Variants in KLHL13 observed in about 807,000 individuals in gnomAD.
KLHL13 encodes kelch like family member 13, also known as kelch-like protein 13.
Under a neutral mutation model 37.1 loss-of-function variants are expected in KLHL13, and 10 were observed. That is an observed-to-expected ratio of 0.27 (90% confidence interval 0.17 to 0.46). KLHL13 has a LOEUF of 0.46. Among genes scored for constraint, KLHL13 ranks in the 20% least tolerant of loss-of-function variants. The pLI, the probability that KLHL13 is intolerant of heterozygous loss-of-function variation, is 1.00. For missense variants in KLHL13, 360 were observed against 509.3 expected (o/e 0.71, Z 2.82); for synonymous variants, 163 against 181.2 (o/e 0.90, Z 0.81).
At chrX:118,106,365 G>C (rs2055346806) in intron 1 of KLHL13, among the ~76,000 whole-genome samples, 1 of 111,075 alleles carries the variant, frequency 9.0e-6, no homozygotes, top group Non-Finnish European at 1.9e-5. Flanking sequence ...AAAGAAAGAT[G>C]CTCTAAAAAT....
intron 2 of KLHL13, among the ~76,000 whole-genome samples, chrX:117,940,647 G>C (rs1449589886): frequency 9.0e-6 from 1 of 111,535 alleles, no homozygotes; most frequent in Non-Finnish European, 1.9e-5. Context: ...TCTCCTTGAA[G>C]AGGTCCTTCA....
chrX:118,069,124 C>T (rs2054826856), intron 1 of KLHL13, among the ~76,000 whole-genome samples: 1 of 108,215 alleles, frequency 9.2e-6, no homozygotes, highest in Admixed American at 9.9e-5. Context: ...CACACACACA[C>T]ACACACACAC....
chrX:117,991,864 TC>T (rs1397008100), intron 1 of KLHL13, among the ~76,000 whole-genome samples: 2 of 96,684 alleles, frequency 2.1e-5, no homozygotes, highest in African/African-American at 9.8e-5. Flanking sequence ...TCTCTCTCTC[TC>T]TCTCTCTCTC....
chrX:118,015,598 T>C (rs2054119166), intron 1 of KLHL13, among the ~76,000 whole-genome samples: 1 of 111,323 alleles, frequency 9.0e-6, no homozygotes, highest in African/African-American at 3.3e-5. Flanking sequence ...GTAGCAATTA[T>C]TCTCCCCAAG....
intron 5 of KLHL13, among the ~76,000 whole-genome samples, chrX:117,905,505 G>GCACACACACACACA (rs34703680): frequency 9.7e-6 from 1 of 103,261 alleles, no homozygotes; most frequent in African/African-American, 3.5e-5. Flanking sequence ...GCTAGTGCGT[G>GCACACACACACACA]CACACACACA....
At chrX:118,015,398 C>T (rs1602652061) in intron 1 of KLHL13, among the ~76,000 whole-genome samples, 1 of 111,125 alleles carries the variant, frequency 9.0e-6, no homozygotes, top group East Asian at 2.8e-4. Context: ...AACAAACAAA[C>T]AAAAAATTGT....
chrX:118,035,858 CA>C (rs1479738665), intron 1 of KLHL13, among the ~76,000 whole-genome samples: 13 of 101,781 alleles, frequency 1.3e-4, no homozygotes, highest in African/African-American at 5.2e-4. Flanking sequence ...TGTCTCAGCC[CA>C]AAATCTCCTT....
Position 118,053,839 on chromosome X carries a change from GAGAGA to G in KLHL13, c.-56+62664_-56+62668del, listed in dbSNP as rs771378685. Among the ~76,000 whole-genome samples the G allele has an allele frequency of 6.5e-4, 24 of 37,195 alleles. 1 individual carries two copies. The highest frequency in any genetic ancestry group is 8.6e-4 in the Non-Finnish European group (20 of 23,134). 32.3% of individuals were successfully genotyped at this position (37,195 alleles called of 115,157 possible). ...AGAGAGGAGAGGAGAGAGAGAGAGA[GAGAGA>G]GAGAGGAGAGAGAGAGAGAGAGAGA... On this transcript the variant is annotated intron_variant, in intron 1 of 6. Transcript: ENST00000371882.
chrX:118,099,390 T>A (rs1360386529), intron 1 of KLHL13, among the ~76,000 whole-genome samples: 2 of 111,948 alleles, frequency 1.8e-5, no homozygotes, highest in African/African-American at 3.2e-5. Context: ...ACTGTTTTCA[T>A]TAGGTCCTAA....
intron 1 of KLHL13, among the ~76,000 whole-genome samples, chrX:117,989,811 C>T (rs1569434656): frequency 1.8e-5 from 2 of 111,628 alleles, no homozygotes; most frequent in Non-Finnish European, 3.8e-5. Flanking sequence ...AACTTTCCCT[C>T]ACATCCCTTA....
At chrX:117,922,601 A>G (rs1354269596) in intron 2 of KLHL13, among the ~76,000 whole-genome samples, 2 of 111,699 alleles carry the variant, frequency 1.8e-5, no homozygotes, top group Non-Finnish European at 1.9e-5. Flanking sequence ...TAATAAAATG[A>G]GTTGTGCTTA....
At chrX:118,102,265 G>A (rs1180350968) in intron 1 of KLHL13, among the ~76,000 whole-genome samples, 2 of 112,199 alleles carry the variant, frequency 1.8e-5, no homozygotes, top group African/African-American at 6.5e-5. Flanking sequence ...ATGTATAGCA[G>A]AGACTATTAG....
intron 1 of KLHL13, among the ~76,000 whole-genome samples, chrX:118,083,574 G>A (rs2055020782): frequency 9.0e-6 from 1 of 111,513 alleles, no homozygotes; most frequent in African/African-American, 3.3e-5. Context: ...ATCAGAGGCT[G>A]GGCGAGAGTG....
chrX:118,111,264 G>A (rs1388202471), intron 1 of KLHL13, among the ~76,000 whole-genome samples: 3 of 112,364 alleles, frequency 2.7e-5, no homozygotes, highest in Non-Finnish European at 5.6e-5. Flanking sequence ...CACCATTAGG[G>A]TCTATGGTGC....
chrX:118,113,239 GT>G (rs1349661802), intron 1 of KLHL13, among the ~76,000 whole-genome samples: 6 of 111,368 alleles, frequency 5.4e-5, no homozygotes, highest in South Asian at 3.8e-4. Flanking sequence ...TGATCATAGA[GT>G]TTTTTTTATT....
chrX:117,945,659 A>G, intron 1 of KLHL13, 84 bp from the exon 3 acceptor site: 1 of 814,714 alleles, frequency 1.2e-6, no homozygotes, highest in East Asian at 3.3e-5. Flanking sequence ...ATAATCAGTC[A>G]CTATTGCAAT....
chrX:118,057,786 A>G (rs1415343711), intron 1 of KLHL13, among the ~76,000 whole-genome samples: 3 of 110,568 alleles, frequency 2.7e-5, no homozygotes, highest in Non-Finnish European at 5.7e-5. Context: ...AGATTGTGCC[A>G]CTGCACTCCA....
chrX:118,058,321 C>A (rs1028622361), intron 1 of KLHL13, among the ~76,000 whole-genome samples: 29 of 110,741 alleles, frequency 2.6e-4, no homozygotes, highest in Admixed American at 1.2e-3. Flanking sequence ...TTCTCTTACA[C>A]ACACTAATTA....
At chrX:117,968,891 A>G (rs1426434848) in intron 1 of KLHL13, among the ~76,000 whole-genome samples, 1 of 111,753 alleles carries the variant, frequency 8.9e-6, no homozygotes, top group Non-Finnish European at 1.9e-5. Flanking sequence ...AACAAGGAGC[A>G]TTTATACAAT....
Sources: allele counts gnomAD v4.1 joint callset (sites outside exome capture counted in the v4.1 genomes callset), GRCh38; gene constraint gnomAD v4.1.1; transcripts MANE v1.5; gene names NCBI Gene and HGNC (gene_info 2026-07-23, HGNC 2026-07-21).